The following SGK1 variants were observed in gnomAD, a reference collection of about 807,000 sequenced individuals.
SGK1 encodes serum/glucocorticoid regulated kinase 1.
A neutral mutation model predicts 64.2 loss-of-function variants in SGK1; 26 were observed. The observed-to-expected ratio is 0.40, with a 90% CI of 0.30 to 0.56. The LOEUF is 0.56. SGK1 is among the 20% of genes least tolerant of loss of function. SGK1 has a pLI of 0.38. For missense variants in SGK1, 519 were observed against 645.6 expected, an observed-to-expected ratio of 0.80 and a Z score of 2.12; for synonymous variants, 265 against 239.7, an observed-to-expected ratio of 1.11 and a Z score of -0.98.
chr6:134,308,519 G>A (rs548133879), intron 1 of SGK1, among the ~76,000 whole-genome samples: 1 of 152,204 alleles, frequency 6.6e-6, no homozygotes, highest in East Asian at 1.9e-4. Context: ...GGGTTAGAAC[G>A]AGAATCCTTT....
intron 1 of SGK1, chr6:134,298,612 G>T: frequency 1.8e-6 from 2 of 1,132,814 alleles, no homozygotes; most frequent in Non-Finnish European, 2.6e-6. Flanking sequence ...CAGGTACTGG[G>T]CCCACTCGTG....
intron 1 of SGK1, among the ~76,000 whole-genome samples, chr6:134,290,241 T>TTGAGCGCAGGAGTTCGAGGCTGCAC: frequency 6.6e-6 from 1 of 151,572 alleles, no homozygotes; most frequent in Non-Finnish European, 1.5e-5. Context: ...GGAGGATTGT[T>TTGAGCGCAGGAGTTCGAGGCTGCAC]TGAGCGCAGG....
intron 3 of SGK1, among the ~76,000 whole-genome samples, chr6:134,194,652 G>C (rs1220822680): frequency 6.6e-6 from 1 of 151,786 alleles, no homozygotes; most frequent in East Asian, 1.9e-4. Context: ...CTCCTGAGTA[G>C]CTGGGATTAC....
intron 2 of SGK1, among the ~76,000 whole-genome samples, chr6:134,218,058 T>C (rs1776014899): frequency 6.6e-6 from 1 of 152,162 alleles, no homozygotes; most frequent in Non-Finnish European, 1.5e-5. Flanking sequence ...AAATCAAATG[T>C]TTTCTATATT....
chr6:134,247,622 T>TTCGTGTTTCCGGTCGCC (rs1776543565), intron 2 of SGK1, among the ~76,000 whole-genome samples: 1 of 152,178 alleles, frequency 6.6e-6, no homozygotes, highest in Admixed American at 6.5e-5. Context: ...AATACGGTTA[T>TTCGTGTTTCCGGTCGCC]TCGTGTTTGG....
chr6:134,286,021 G>A (rs369951384), intron 1 of SGK1, among the ~76,000 whole-genome samples: 3 of 152,144 alleles, frequency 2.0e-5, no homozygotes, highest in African/African-American at 7.2e-5. Context: ...GAATTAAAGT[G>A]AGTTTTCTTT....
intron 3 of SGK1, among the ~76,000 whole-genome samples, chr6:134,179,970 T>C (rs1007276788): frequency 1.3e-5 from 2 of 152,184 alleles, no homozygotes; most frequent in African/African-American, 4.8e-5. Context: ...GTTTTTGTTT[T>C]TGACATAGAG....
intron 1 of SGK1, among the ~76,000 whole-genome samples, chr6:134,271,191 T>C (rs1776935600): frequency 7.2e-6 from 1 of 138,940 alleles, no homozygotes; most frequent in Non-Finnish European, 1.6e-5. Context: ...CGGGGGCACA[T>C]GCCTGTAATT....
At chr6:134,278,316 C>T (rs899905657) in intron 1 of SGK1, among the ~76,000 whole-genome samples, 20 of 152,252 alleles carry the variant, frequency 1.3e-4, no homozygotes, top group Middle Eastern at 6.8e-3. Flanking sequence ...ATTTTATGCC[C>T]TTAAGGGCAG....
Position 134,172,643 on chromosome 6 carries a change from G to C in SGK1, c.947+19C>G. ...TCCTTTATACCAAAACTGGTAGCCT[G>C]AAGAGCTCTCAGGCTTACCTATAAA... is the stretch of plus-strand genomic sequence containing the variant. On this transcript the variant is annotated intron_variant, in intron 9 of 13. Coordinates refer to ENST00000367858, the MANE Select transcript of SGK1 (RefSeq NM_001143676.3). The C allele has an allele frequency of 6.7e-7, 1 of 1,491,604 alleles. No homozygotes were observed. Among genetic ancestry groups the C allele is most frequent in the Non-Finnish European group, 9.4e-7 (1 of 1,068,186 alleles). The allele number at this position is 1,491,604 out of a possible 1,614,324, so 92.4% of individuals were successfully genotyped here. A position where few individuals can be genotyped will look rare whatever the true frequency, so the allele number is the denominator to read the frequency against.
At chr6:134,197,867 AATAAAATAAAAT>A (rs1415613196) in intron 3 of SGK1, among the ~76,000 whole-genome samples, 1,479 of 126,596 alleles carry the variant, frequency 0.012, 26 homozygotes, top group African/African-American at 0.04. Flanking sequence ...ATTAAATTAA[AATAAAATAAAAT>A]ATAAAATAAA....
intron 1 of SGK1, among the ~76,000 whole-genome samples, chr6:134,294,853 TAAC>T (rs886862924): frequency 2.0e-5 from 3 of 152,206 alleles, no homozygotes; most frequent in Non-Finnish European, 2.9e-5. Context: ...ATGTGTTAGA[TAAC>T]AAAGTCTAGA....
rs571280904 is a variant in SGK1 at position 134,243,456 on chromosome 6, G to C, written c.285+18477C>G. ...ACGATCTCGGTTCACTGCAACCTCC[G>C]CCTCCTGGGTTCAAGCGATTCCCCT... On this transcript the variant is annotated intron_variant, in intron 2 of 13. Coordinates refer to ENST00000367858, the MANE Select transcript of SGK1 (RefSeq NM_001143676.3). Among the ~76,000 whole-genome samples the C allele has an allele frequency of 2.0e-5, 3 of 152,048 alleles. No homozygotes were observed. The East Asian group carries it at 5.8e-4, about 29-fold the overall frequency.
chr6:134,215,059 G>T (rs1775955200), intron 2 of SGK1: 1 of 455,826 alleles, frequency 2.2e-6, no homozygotes, highest in African/African-American at 2.0e-5. Flanking sequence ...TCACATTTAG[G>T]GAGATGTCAG....
intron 1 of SGK1, among the ~76,000 whole-genome samples, chr6:134,277,299 G>A (rs1777032203): frequency 6.6e-6 from 1 of 152,098 alleles, no homozygotes; most frequent in Non-Finnish European, 1.5e-5. Flanking sequence ...TCCAGCCTGG[G>A]TGACACAGCA....
chr6:134,220,571 C>T (rs961928807), intron 2 of SGK1, among the ~76,000 whole-genome samples: 11 of 152,098 alleles, frequency 7.2e-5, no homozygotes, highest in Non-Finnish European at 1.6e-4. Flanking sequence ...GTATGTGCCC[C>T]TGGGATATTA....
chr6:134,222,155 A>G (rs1007080691), intron 2 of SGK1, among the ~76,000 whole-genome samples: 3 of 152,090 alleles, frequency 2.0e-5, no homozygotes, highest in Admixed American at 6.6e-5. Context: ...TGGTGGGGTT[A>G]CCTCAGAGTA....
intron 1 of SGK1, among the ~76,000 whole-genome samples, chr6:134,290,107 G>A (rs1010387583): frequency 3.7e-5 from 5 of 136,622 alleles, no homozygotes; most frequent in East Asian, 2.1e-4. Context: ...CCGAGACCAC[G>A]CCATTGCACT....
At chr6:134,264,173 A>G (rs925592435) in intron 1 of SGK1, among the ~76,000 whole-genome samples, 21 of 148,648 alleles carry the variant, frequency 1.4e-4, no homozygotes, top group East Asian at 4.0e-4. Context: ...TGGCTGGAGT[A>G]CAGTGGCGCG....
Sources: gnomAD v4.1 joint callset for allele counts (sites outside exome capture counted in the v4.1 genomes callset) on GRCh38, gnomAD v4.1.1 for gene constraint, MANE v1.5 for transcripts, NCBI Gene and HGNC (gene_info 2026-07-23, HGNC 2026-07-21) for gene names.